SLC30A3: variants seen among roughly 807,000 people sequenced by gnomAD.
The protein encoded by SLC30A3 is probable proton-coupled zinc antiporter SLC30A3.
A neutral mutation model predicts 35.6 loss-of-function variants in SLC30A3; 20 were observed. The observed-to-expected ratio is 0.56, with a 90% confidence interval of 0.39 to 0.82. The LOEUF is 0.82. Among genes scored for constraint, SLC30A3 ranks in the 40% least tolerant of loss-of-function variants. The pLI, the probability that SLC30A3 is intolerant of heterozygous loss-of-function variation, is 0.00. For missense variants in SLC30A3, 401 were observed against 530.6 expected (o/e 0.76, Z 2.40); for synonymous variants, 217 against 224.7 (o/e 0.97, Z 0.31).
At chr2:27,267,933 CA>C (rs772509148), upstream of SLC30A3, among the ~76,000 whole-genome samples, 102 of 129,044 alleles carry the variant, frequency 7.9e-4, no homozygotes, top group East Asian at 2.0e-3. Context: ...GACTCCATCT[CA>C]AAAAAAAAAA....
At chr2:27,267,673 G>A (rs1327628702), upstream of SLC30A3, among the ~76,000 whole-genome samples, 15 of 152,052 alleles carry the variant, frequency 9.9e-5, no homozygotes, top group African/African-American at 3.1e-4. Context: ...GGTGGCTCAC[G>A]CCTGTAATCC....
chr2:27,266,498 A>G (rs903291295), upstream of SLC30A3, among the ~76,000 whole-genome samples: 3 of 152,124 alleles, frequency 2.0e-5, no homozygotes, highest in African/African-American at 7.2e-5. Flanking sequence ...AATACTATCC[A>G]ATAACAGCAG....
intron 7 of SLC30A3, 89 bp downstream of exon 7, chr2:27,256,297 T>A: frequency 6.7e-7 from 1 of 1,483,250 alleles, no homozygotes; most frequent in Non-Finnish European, 9.4e-7. Context: ...CAAAAAAGAC[T>A]GAAACAATTC....
chr2:27,255,666 A>T lies in SLC30A3; in HGVS notation c.1019-206T>A, dbSNP rs568885934. On this transcript the variant is annotated intron_variant, in intron 7 of 7. Coordinates refer to ENST00000233535, the MANE Select transcript of SLC30A3 (RefSeq NM_003459.5). This position sits in a 1 kb window ranked among gnomAD's most constrained non-coding sequence, Gnocchi z 5.2. ...CCCAATCAACCATGCTAACACACTA[A>T]ACTCTTTCCAGTCTCCTATTCTCTC... 7 of 587,812 alleles carry T rather than the reference A, an allele frequency of 1.2e-5. No individual in the cohort carries two copies. The highest frequency in any genetic ancestry group is 1.0e-4 in the South Asian group (5 of 49,816). The allele number at this position is 587,812 out of a possible 1,614,324, so 36.4% of individuals were successfully genotyped here.
rs776933647 is a variant in SLC30A3 at position 27,256,897 on chromosome 2, C to A, written c.778-4G>T. ...GGTCGGCTGCCTTGTATTGAGGCTGCAGAGAAAGAGACCCCTAAGCCCAAC... is the reference window on the plus strand; with the variant it reads ...GGTCGGCTGCCTTGTATTGAGGCTGAAGAGAAAGAGACCCCTAAGCCCAAC... On this transcript the variant is annotated splice_region_variant and splice_polypyrimidine_tract_variant and intron_variant, in intron 5 of 7. Coordinates refer to ENST00000233535, the MANE Select transcript of SLC30A3 (RefSeq NM_003459.5). 3 of 1,598,304 alleles carry A rather than the reference C, an allele frequency of 1.9e-6. No individual in the cohort carries two copies. The Admixed American group carries it at 5.3e-5, about 28-fold the overall frequency.
rs539354567 is a variant in SLC30A3 at position 27,254,715 on chromosome 2, G to A, written c.*597C>T. 14 of 191,686 alleles carry A rather than the reference G, an allele frequency of 7.3e-5. No homozygotes were observed. In the South Asian group the frequency reaches 1.3e-3, roughly 18 times the overall value. The allele number at this position is 191,686 out of a possible 1,614,324, so 11.9% of individuals were successfully genotyped here. A position where few individuals can be genotyped will look rare whatever the true frequency, so the allele number is the denominator to read the frequency against. ...ATGGAGCAGACTCATAGAAACCATA[G>A]CACAGCCACATAGGCACAGAGACAC... On this transcript the variant is annotated 3_prime_UTR_variant, in exon 8 of 8. Transcript: ENST00000233535.
chr2:27,262,687 G>T lies in SLC30A3; in HGVS notation c.95+125C>A. 2 of 931,008 alleles carry T rather than the reference G, an allele frequency of 2.1e-6. No homozygotes were observed. Among genetic ancestry groups the T allele is most frequent in the Non-Finnish European group, 3.0e-6 (2 of 656,190 alleles). The allele number at this position is 931,008 out of a possible 1,614,324, so 57.7% of individuals were successfully genotyped here. Reference sequence around the variant, plus strand: ...GCCAGAGGGGATGAAGCGGGGTGCAGCGGAGCGAGGGACCCGCGGTGCGCT... The same window carrying T: ...GCCAGAGGGGATGAAGCGGGGTGCATCGGAGCGAGGGACCCGCGGTGCGCT... On this transcript the variant is annotated intron_variant, in intron 1 of 7. Transcript: ENST00000233535. The surrounding 1 kb of genome is among the most constrained non-coding windows in gnomAD (Gnocchi z 7.5).
At position 27,258,692 on chromosome 2, in the gene SLC30A3, G is replaced by A; in HGVS notation, c.277+61C>T. 2.6e-6 allele frequency: 4 copies of A among 1,561,020 alleles called. No homozygotes were observed. Among genetic ancestry groups the A allele is most frequent in the Non-Finnish European group, 3.5e-6 (4 of 1,134,172 alleles). ...CCCAGGAACATTCCTGGGACTCTGGGTGGAGAGTGGCTTGGGCAGGTATTT... is the reference window on the plus strand; with the variant it reads ...CCCAGGAACATTCCTGGGACTCTGGATGGAGAGTGGCTTGGGCAGGTATTT... On this transcript the variant is annotated intron_variant, in intron 2 of 7. Coordinates refer to ENST00000233535, the MANE Select transcript of SLC30A3 (RefSeq NM_003459.5). This position sits in a 1 kb window ranked among gnomAD's most constrained non-coding sequence, Gnocchi z 4.0.
chr2:27,271,637 TG>T lies in SLC30A3; in HGVS notation c.-159+3539del, dbSNP rs1677732180. 6.6e-6 allele frequency among the ~76,000 whole-genome samples: 1 copy of T among 152,226 alleles called. No homozygotes were observed. Among genetic ancestry groups the T allele is most frequent in the South Asian group, 2.1e-4 (1 of 4,832 alleles). ...GCTAAGATCTAGGGCTTCTGACCCC[TG>T]GCTTGTGTGTTCTTCCTAGGACTGA... On this transcript the variant is annotated intron_variant, in intron 1 of 5. Transcript: ENST00000424577. This position sits in a 1 kb window ranked among gnomAD's most constrained non-coding sequence, Gnocchi z 4.3.
chr2:27,258,095 G>T lies in SLC30A3; in HGVS notation c.425-37C>A, dbSNP rs992226942. 1 of 1,611,180 alleles carries T rather than the reference G, an allele frequency of 6.2e-7. No homozygotes were observed. Among genetic ancestry groups the T allele is most frequent in the African/African-American group, 1.3e-5 (1 of 74,872 alleles). On this transcript the variant is annotated intron_variant, in intron 3 of 7. Transcript: ENST00000233535. This position sits in a 1 kb window ranked among gnomAD's most constrained non-coding sequence, Gnocchi z 4.0. ...GGGGGAGACAAGCTGTCAGAGACCT[G>T]CTTGGGACCCTGACGGGTGCCCTCT...
chr2:27,264,150 G>T, upstream of SLC30A3: 1 of 968,746 alleles, frequency 1.0e-6, no homozygotes, highest in Non-Finnish European at 1.4e-6. The surrounding 1 kb of genome is among the most constrained non-coding windows in gnomAD (Gnocchi z 6.1). Context: ...GAAGAGGAGG[G>T]TCCGTAGGAG....
At chr2:27,273,037 CAAA>C (rs1166810598) in intron 1 of SLC30A3, among the ~76,000 whole-genome samples, 4 of 92,754 alleles carry the variant, frequency 4.3e-5, no homozygotes, top group Non-Finnish European at 4.5e-5. Flanking sequence ...GACCTTGTCT[CAAA>C]AAAAAAAAAA....
upstream of SLC30A3, chr2:27,275,395 C>T (rs767457417): frequency 5.0e-4 from 198 of 398,680 alleles, no homozygotes; most frequent in Non-Finnish European, 8.8e-4. Context: ...AATGTGGCCT[C>T]CCCACCCAGT....
In SLC30A3 at chr2:27,255,146, C is replaced by T; in HGVS notation, c.*166G>A. The T allele has an allele frequency of 6.4e-7, 1 of 1,566,548 alleles. No individual in the cohort carries two copies. ...CCCCGCCACACTTTGGTCTTGCCCACTGGGGCTGGGGCTGGGGCTGAGGCT... is the reference window on the plus strand; with the variant it reads ...CCCCGCCACACTTTGGTCTTGCCCATTGGGGCTGGGGCTGGGGCTGAGGCT... On this transcript the variant is annotated 3_prime_UTR_variant, in exon 8 of 8. Transcript: ENST00000233535. This position sits in a 1 kb window ranked among gnomAD's most constrained non-coding sequence, Gnocchi z 5.2.
rs368825097 is a variant in SLC30A3 at position 27,258,842 on chromosome 2, G to A, written c.188C>T (p.Pro63Leu). ...ATGCAGCCTCTCAGGGGTAAGGCCC[G>A]GCGGCGGAAGGGGGTCCCTGTGGCA... ...HHCHRDPLPPPGLTPERLHAR... is the reference protein window; with the variant it reads ...HHCHRDPLPPLGLTPERLHAR... Residue 63 changes from proline (P) to leucine (L), a missense_variant, in exon 2 of 8, where the codon CCG becomes CTG. Coordinates refer to ENST00000233535, the MANE Select transcript of SLC30A3 (RefSeq NM_003459.5). The surrounding 1 kb of genome is among the most constrained non-coding windows in gnomAD (Gnocchi z 4.0). The A allele has an allele frequency of 2.4e-5, 39 of 1,614,076 alleles. No homozygotes were observed. Among genetic ancestry groups the A allele is most frequent in the East Asian group, 6.7e-5 (3 of 44,896 alleles).
rs1479392663 is a variant in SLC30A3 at position 27,253,685 on chromosome 2, AG to A, written c.*1626del. 3.1e-5 allele frequency: 4 copies of A among 128,538 alleles called. No homozygotes were observed. The highest frequency in any genetic ancestry group is 6.4e-5 in the Non-Finnish European group (4 of 62,528). 8.0% of individuals were successfully genotyped at this position (128,538 alleles called of 1,614,324 possible). On this transcript the variant is annotated 3_prime_UTR_variant, in exon 8 of 8. Transcript: ENST00000233535. ...TGAGTTTGATTTTTTTTTTTTTTTG[AG>A]ACAAGGTCTTGCTCTGTTGCCCAGG...
intron 7 of SLC30A3, 164 bp downstream of exon 7, chr2:27,256,222 G>A (rs1206880262): frequency 1.5e-5 from 12 of 779,208 alleles, no homozygotes; most frequent in African/African-American, 3.5e-5. Flanking sequence ...ACGAGCGCAC[G>A]TGCATGTGTG....
At position 27,258,810 on chromosome 2, in the gene SLC30A3, T is replaced by C. The variant is rs1263314962; in HGVS notation, c.220A>G (p.Arg74Gly). 7 of 1,614,198 alleles carry C rather than the reference T, an allele frequency of 4.3e-6. No individual in the cohort carries two copies. Among genetic ancestry groups the C allele is most frequent in the Non-Finnish European group, 5.9e-6 (7 of 1,180,022 alleles). Reference sequence around the variant, plus strand: ...ACGGCACAGGCAGCATATAGCTGCCTCCGTGCATGCAGCCTCTCAGGGGTA... The same window carrying C: ...ACGGCACAGGCAGCATATAGCTGCCCCCGTGCATGCAGCCTCTCAGGGGTA... ...GLTPERLHARRQLYAACAVCF... is the reference protein window; with the variant it reads ...GLTPERLHARGQLYAACAVCF... Residue 74 changes from arginine to glycine, a missense_variant, in exon 2 of 8, where the codon AGG becomes GGG. Arg to Gly is a moderately radical substitution (Grantham distance 125). Around this residue, in one of 3 missense-constraint regions of SLC30A3, gnomAD observed 103 missense variants for 120.7 expected, o/e 0.85. Transcript: ENST00000233535. This position sits in a 1 kb window ranked among gnomAD's most constrained non-coding sequence, Gnocchi z 4.0.
chr2:27,258,052 A>C lies in SLC30A3; in HGVS notation c.431T>G (p.Leu144Arg), dbSNP rs1262193504. The C allele has an allele frequency of 1.2e-6, 2 of 1,614,048 alleles. No individual in the cohort carries two copies. The highest frequency in any genetic ancestry group is 1.7e-6 in the Non-Finnish European group (2 of 1,179,898). The change falls in exon 4 of 8, where the codon CTG becomes CGG. Residue 144 changes from leucine to arginine, a missense_variant. Leu to Arg is a moderately radical substitution (Grantham distance 102). Around this residue, in one of 3 missense-constraint regions of SLC30A3, gnomAD observed 296 missense variants for 392.6 expected, o/e 0.75. Transcript: ENST00000233535. The surrounding 1 kb of genome is among the most constrained non-coding windows in gnomAD (Gnocchi z 4.0). ...MTFGWHRSET[L>R]GALASVVSLW... Reference sequence around the variant, plus strand: ...GGAGACCACAGAGGCCAAAGCCCCCAGAGTCTCTGCGGGTGGGGGGGGAGA... The same window carrying C: ...GGAGACCACAGAGGCCAAAGCCCCCCGAGTCTCTGCGGGTGGGGGGGGAGA...
Sources: gnomAD v4.1 joint callset for allele counts (sites outside exome capture counted in the v4.1 genomes callset) on GRCh38, gnomAD v4.1.1 for gene constraint, gnomAD v4.1.1 regional missense constraint, Gnocchi (gnomAD v3.1) non-coding constraint, MANE v1.5 for transcripts, NCBI Gene and HGNC (gene_info 2026-07-23, HGNC 2026-07-21) for gene names.